The following CALN1 variants were observed in gnomAD, a reference collection of about 807,000 sequenced individuals.
The protein encoded by CALN1 is calcium-binding protein 8.
Under a neutral mutation model 30.6 loss-of-function variants are expected in CALN1, and 17 were observed. The ratio of observed to expected loss-of-function variants is 0.56; its 90% confidence interval spans 0.38 to 0.83. The LOEUF (loss-of-function observed/expected upper bound fraction) is 0.83, where lower values mean the gene tolerates loss of function less well. Among genes scored for constraint, CALN1 ranks in the 40% least tolerant of loss-of-function variants. The pLI is 0.00. For missense variants in CALN1, 291 were observed against 354.9 expected (o/e 0.82, Z 1.45); for synonymous variants, 156 against 131.4 (o/e 1.19, Z -1.28).
intron 3 of CALN1, among the ~76,000 whole-genome samples, chr7:72,186,884 G>GC (rs1790232095): frequency 1.0e-5 from 1 of 97,556 alleles, no homozygotes; most frequent in Admixed American, 1.5e-4. Flanking sequence ...TGAGTGCAGA[G>GC]CTTTTTTTTT....
In CALN1 at chr7:71,995,905, T is replaced by C. The variant is rs114078021; in HGVS notation, c.501+27752A>G. On this transcript the variant is annotated intron_variant, in intron 5 of 6. Coordinates refer to ENST00000395275, the MANE Select transcript of CALN1 (RefSeq NM_031468.4). The stretch of plus-strand genomic sequence containing the variant: ...TTCCCCACAGCAGAGGAGAATCTCG[T>C]CATAAAAAGCACTTGGCTTAGGAAG... Among the ~76,000 whole-genome samples, 1,047 of 152,024 alleles carry C rather than the reference T, an allele frequency of 6.9e-3. 11 individuals carry two copies. Among genetic ancestry groups the C allele is most frequent in the African/African-American group, 0.024 (1,008 of 41,490 alleles).
intron 4 of CALN1, among the ~76,000 whole-genome samples, chr7:72,025,384 C>T (rs1018945419): frequency 3.3e-5 from 5 of 152,176 alleles, no homozygotes; most frequent in Admixed American, 1.3e-4. Context: ...ATGCCTATCT[C>T]ACAAGCAAAA....
intron 1 of CALN1, among the ~76,000 whole-genome samples, chr7:72,442,956 A>G (rs572244306): frequency 6.6e-6 from 1 of 152,182 alleles, no homozygotes; most frequent in South Asian, 2.1e-4. Context: ...CACTTTATTA[A>G]GGGTTGCACT....
At chr7:72,325,841 T>C (rs1208070346) in intron 2 of CALN1, among the ~76,000 whole-genome samples, 1 of 152,078 alleles carries the variant, frequency 6.6e-6, no homozygotes, top group Non-Finnish European at 1.5e-5. Flanking sequence ...GAAAATGCAA[T>C]AACCTCGCAG....
At chr7:72,315,040 A>G (rs1800345879) in intron 2 of CALN1, among the ~76,000 whole-genome samples, 1 of 151,670 alleles carries the variant, frequency 6.6e-6, no homozygotes, top group Admixed American at 6.6e-5. Flanking sequence ...GGTCCCAGCT[A>G]CTTGGCAGGC....
chr7:72,229,602 A>G (rs1410244395), intron 3 of CALN1, among the ~76,000 whole-genome samples: 1 of 152,090 alleles, frequency 6.6e-6, no homozygotes, highest in Non-Finnish European at 1.5e-5. Context: ...CTATGCAGCC[A>G]TAAAGAAGAA....
intron 2 of CALN1, among the ~76,000 whole-genome samples, chr7:72,375,505 G>A (rs556250658): frequency 6.7e-6 from 1 of 150,276 alleles, no homozygotes; most frequent in South Asian, 2.1e-4. Context: ...GGTCGAGGCT[G>A]CAGTGAGCTG....
At chr7:72,106,112 G>C (rs1232132615) in intron 4 of CALN1, 39 bp downstream of exon 4, 1 of 1,604,750 alleles carries the variant, frequency 6.2e-7, no homozygotes, top group Non-Finnish European at 8.5e-7. Flanking sequence ...ATGAGACCGG[G>C]GCATGTCTCA....
At chr7:71,860,177 G>A (rs548110372) in intron 5 of CALN1, among the ~76,000 whole-genome samples, 42 of 151,178 alleles carry the variant, frequency 2.8e-4, no homozygotes, top group African/African-American at 9.5e-4. Flanking sequence ...TGCCTTTATT[G>A]AGCATTCTTT....
chr7:72,237,230 C>T (rs376019955), intron 3 of CALN1, among the ~76,000 whole-genome samples: 5 of 152,166 alleles, frequency 3.3e-5, no homozygotes, highest in East Asian at 3.9e-4. Context: ...GTGATCCGCC[C>T]GGCTCAGCCT....
intron 1 of CALN1, among the ~76,000 whole-genome samples, chr7:72,405,720 A>AG (rs2129562378): frequency 8.5e-6 from 1 of 117,930 alleles, no homozygotes; most frequent in South Asian, 3.5e-4. Context: ...AGAAACGCAA[A>AG]AAAAAAAAAT....
At chr7:71,993,856 C>T (rs1799095130) in intron 5 of CALN1, among the ~76,000 whole-genome samples, 1 of 152,104 alleles carries the variant, frequency 6.6e-6, no homozygotes, top group African/African-American at 2.4e-5. Context: ...ATTAAACAAC[C>T]TTCTCAAATG....
intron 5 of CALN1, among the ~76,000 whole-genome samples, chr7:72,009,041 T>G (rs555916935): frequency 6.6e-6 from 1 of 152,208 alleles, no homozygotes; most frequent in Admixed American, 6.5e-5. Flanking sequence ...GAAGATAATA[T>G]AAGTTTTCAA....
chr7:72,383,520 T>C (rs1278133081), intron 2 of CALN1, among the ~76,000 whole-genome samples: 4 of 152,168 alleles, frequency 2.6e-5, no homozygotes, highest in Non-Finnish European at 4.4e-5. Flanking sequence ...TTTTTTCATG[T>C]TTGTTGGCTG....
chr7:72,494,275 C>G, the CALN1 span, among the ~76,000 whole-genome samples: 1 of 152,196 alleles, frequency 6.6e-6, no homozygotes, highest in Admixed American at 6.5e-5. Flanking sequence ...ACACTGCCCT[C>G]TGCTGGACAG....
intron 5 of CALN1, among the ~76,000 whole-genome samples, chr7:71,935,375 T>C (rs1795772236): frequency 6.6e-6 from 1 of 152,174 alleles, no homozygotes; most frequent in Non-Finnish European, 1.5e-5. Context: ...ATGGGAGGTC[T>C]TTCTGCCAGG....
intron 5 of CALN1, among the ~76,000 whole-genome samples, chr7:71,843,952 T>A (rs185499991): frequency 6.6e-6 from 1 of 152,072 alleles, no homozygotes; most frequent in East Asian, 1.9e-4. Flanking sequence ...GGTAACAGCA[T>A]CAGAGAAGCA....
At chr7:71,899,162 T>G (rs1016393867) in intron 5 of CALN1, among the ~76,000 whole-genome samples, 5 of 139,018 alleles carry the variant, frequency 3.6e-5, no homozygotes, top group Non-Finnish European at 4.8e-5. Context: ...TTTTTTTTTT[T>G]GAGACGGAGT....
In CALN1 at chr7:71,829,155, C is replaced by T. The variant is rs183521536; in HGVS notation, c.502-18663G>A. Among the ~76,000 whole-genome samples the T allele has an allele frequency of 2.9e-4, 44 of 152,288 alleles. 1 individual carries two copies. Among genetic ancestry groups the T allele is most frequent in the African/African-American group, 1.0e-3 (43 of 41,548 alleles). On this transcript the variant is annotated intron_variant, in intron 5 of 6. Coordinates refer to ENST00000395275, the MANE Select transcript of CALN1 (RefSeq NM_031468.4). ...TGAGGCTGTGTCACAGGTACGCGTC[C>T]TTAACCTTGGCAAAATAAACTTTCT...
Sources: allele counts gnomAD v4.1 joint callset (sites outside exome capture counted in the v4.1 genomes callset), GRCh38; gene constraint gnomAD v4.1.1; transcripts MANE v1.5; gene names NCBI Gene and HGNC (gene_info 2026-07-23, HGNC 2026-07-21).